OSTM1: variants seen among roughly 807,000 people sequenced by gnomAD.
The protein encoded by OSTM1 is osteoclastogenesis associated transmembrane protein 1.
A neutral mutation model predicts 35.4 loss-of-function variants in OSTM1; 26 were observed. That is an observed-to-expected ratio of 0.73 (90% CI 0.54 to 1.02). The LOEUF is 1.02. OSTM1 is among the 50% of genes least tolerant of loss of function. The pLI, the probability that OSTM1 is intolerant of heterozygous loss-of-function variation, is 0.00. For synonymous variants in OSTM1, 181 were observed against 165.0 expected, an observed-to-expected ratio of 1.10 and a Z score of -0.75; for missense variants, 366 against 409.6, an observed-to-expected ratio of 0.89 and a Z score of 0.92.
chr6:108,046,014 T>C (rs1432400698), intron 5 of OSTM1, among the ~76,000 whole-genome samples: 1 of 151,932 alleles, frequency 6.6e-6, no homozygotes, highest in African/African-American at 2.4e-5. Context: ...TTATTTATTT[T>C]TTTTGAGACG....
At chr6:108,058,808 C>T (rs1772217455) in intron 2 of OSTM1, among the ~76,000 whole-genome samples, 1 of 152,064 alleles carries the variant, frequency 6.6e-6, no homozygotes. Flanking sequence ...GTTAATTGAC[C>T]TTCTGGTTAA....
intron 3 of OSTM1, 96 bp downstream of exon 3, chr6:108,054,394 A>G (rs1772135030): frequency 3.4e-6 from 2 of 585,520 alleles, no homozygotes; most frequent in African/African-American, 1.9e-5. Context: ...ATGAATTTAG[A>G]TAAATATCAA....
intron 5 of OSTM1, among the ~76,000 whole-genome samples, chr6:108,045,083 A>G (rs965225251): frequency 2.0e-5 from 3 of 152,208 alleles, no homozygotes; most frequent in African/African-American, 7.2e-5. Context: ...CATCATTTAT[A>G]TCTTCTTGAA....
intron 3 of OSTM1, among the ~76,000 whole-genome samples, chr6:108,051,555 T>G (rs867009208): frequency 7.2e-5 from 11 of 152,118 alleles, no homozygotes; most frequent in Admixed American, 2.6e-4. Context: ...AATACAAAAT[T>G]TCCTAAATTA....
chr6:108,060,786 T>G (rs1448514295), intron 2 of OSTM1: 1 of 152,152 alleles, frequency 6.6e-6, no homozygotes. Flanking sequence ...GTATATAAAT[T>G]TAGTCACATC....
intron 3 of OSTM1, 143 bp from the exon 4 acceptor site, chr6:108,051,341 A>G (rs1772070279): frequency 3.1e-6 from 2 of 638,940 alleles, no homozygotes; most frequent in Non-Finnish European, 5.4e-6. Flanking sequence ...AGGTTACTAA[A>G]TCACTCTGAG....
At chr6:108,056,596 A>G (rs924888684) in intron 2 of OSTM1, among the ~76,000 whole-genome samples, 3 of 152,212 alleles carry the variant, frequency 2.0e-5, no homozygotes, top group Non-Finnish European at 4.4e-5. Context: ...TGTGCAAATC[A>G]GAAAAAGATA....
At chr6:108,054,730 T>C in intron 2 of OSTM1, 143 bp from the exon 3 acceptor site, 1 of 456,168 alleles carries the variant, frequency 2.2e-6, no homozygotes, top group South Asian at 4.0e-5. Context: ...TATATGAAGC[T>C]TACTCCTTTT....
At chr6:108,045,466 G>GA (rs553965458) in intron 5 of OSTM1, among the ~76,000 whole-genome samples, 12 of 124,448 alleles carry the variant, frequency 9.6e-5, no homozygotes, top group Middle Eastern at 4.8e-3. Context: ...ATTTTCAGAT[G>GA]AAAAAAAAAT....
chr6:108,048,436 A>G (rs1474287293), intron 5 of OSTM1, among the ~76,000 whole-genome samples: 1 of 152,184 alleles, frequency 6.6e-6, no homozygotes, highest in Non-Finnish European at 1.5e-5. Flanking sequence ...GCTCTGGCCT[A>G]TTTCATAGGG....
chr6:108,074,234 G>C lies in OSTM1; in HGVS notation c.402+16C>G. On this transcript the variant is annotated intron_variant, in intron 1 of 5. Coordinates refer to ENST00000193322, the MANE Select transcript of OSTM1 (RefSeq NM_014028.4). ...ACTCTCCTGAGCCACAGTCCCGGAC[G>C]TGGTCCTGTACCCACCCCCGCGGCT... The C allele has an allele frequency of 6.2e-7, 1 of 1,610,898 alleles. No individual in the cohort carries two copies. The highest frequency in any genetic ancestry group is 2.2e-5 in the East Asian group (1 of 44,870).
rs577512551 is a variant in OSTM1, at chr6:108,062,596, G to A, written c.517+1589C>T. ...AGGGTCTCGTTCTGTTGCCCAGAGC[G>A]GGGAGCAGTGGCACAACCATGATTC... is the stretch of plus-strand genomic sequence containing the variant. On this transcript the variant is annotated intron_variant, in intron 2 of 5. Coordinates refer to ENST00000193322, the MANE Select transcript of OSTM1 (RefSeq NM_014028.4). 1.5e-4 allele frequency among the ~76,000 whole-genome samples: 23 copies of A among 149,686 alleles called. No individual in the cohort carries two copies. In the South Asian group the frequency reaches 2.7e-3, roughly 18 times the overall value.
At chr6:108,070,203 AAT>A (rs1430534055) in intron 1 of OSTM1, among the ~76,000 whole-genome samples, 1 of 151,904 alleles carries the variant, frequency 6.6e-6, no homozygotes, top group East Asian at 1.9e-4. Flanking sequence ...ACTCCTGGCT[AAT>A]TTTTTATATT....
At position 108,049,305 on chromosome 6, in the gene OSTM1, G is replaced by C. The variant is rs149994663; in HGVS notation, c.897C>G (p.Phe299Leu). 1.3e-5 allele frequency: 21 copies of C among 1,613,092 alleles called. No homozygotes were observed. Among genetic ancestry groups the C allele is most frequent in the Non-Finnish European group, 1.6e-5 (19 of 1,179,238 alleles). The change falls in exon 5 of 6, where the codon TTC becomes TTG. Residue 299 changes from phenylalanine (F) to leucine (L), a missense_variant. Physicochemically the swap from Phe to Leu is conservative, Grantham distance 22. This residue lies in a region of OSTM1 where 125 missense variants were observed against 151.7 expected (regional missense o/e 0.82). Coordinates refer to ENST00000193322, the MANE Select transcript of OSTM1 (RefSeq NM_014028.4). The part of the protein sequence containing the change: ...SVFILFLPVV[F>L]YLSSFLHSEQ... ...CTGAGTGAAGAAAGCTACTAAGGTAGAAGACAACAGGTAGAAAGAGAATGA... is the reference window on the plus strand; with the variant it reads ...CTGAGTGAAGAAAGCTACTAAGGTACAAGACAACAGGTAGAAAGAGAATGA...
intron 5 of OSTM1, among the ~76,000 whole-genome samples, chr6:108,048,681 T>C (rs1772023034): frequency 6.6e-6 from 1 of 152,060 alleles, no homozygotes; most frequent in Non-Finnish European, 1.5e-5. Flanking sequence ...TCTTCTGTTG[T>C]TGCCAACCTT....
intron 2 of OSTM1, 148 bp downstream of exon 2, chr6:108,064,037 A>G (rs1414358404): frequency 3.2e-6 from 2 of 625,170 alleles, no homozygotes; most frequent in East Asian, 5.5e-5. Context: ...AGTTGCCATT[A>G]ATAAACCATG....
Position 108,041,422 on chromosome 6 carries a change from G to C in OSTM1, c.*3363C>G, listed in dbSNP as rs1771866833. 6.6e-6 allele frequency: 1 copy of C among 152,096 alleles called. No homozygotes were observed. The highest frequency in any genetic ancestry group is 1.5e-5 in the Non-Finnish European group (1 of 68,006). 9.4% of individuals were successfully genotyped at this position (152,096 alleles called of 1,614,324 possible). A position where few individuals can be genotyped will look rare whatever the true frequency, so the allele number is the denominator to read the frequency against. Reference sequence around the variant, plus strand: ...GGATCAGTCAAATTATCTTTTAAAAGCCCTCTTTAATTCCAAGGAGATAAA... The same window carrying C: ...GGATCAGTCAAATTATCTTTTAAAACCCCTCTTTAATTCCAAGGAGATAAA... On this transcript the variant is annotated 3_prime_UTR_variant, in exon 6 of 6. Transcript: ENST00000193322.
intron 3 of OSTM1, among the ~76,000 whole-genome samples, 187 bp downstream of exon 3, chr6:108,054,303 A>C (rs1367969211): frequency 6.6e-6 from 1 of 152,224 alleles, no homozygotes; most frequent in East Asian, 1.9e-4. Context: ...TTTTACAATG[A>C]GAGAACTGAG....
At chr6:108,063,813 T>G (rs1246856892) in intron 2 of OSTM1, among the ~76,000 whole-genome samples, 1 of 152,190 alleles carries the variant, frequency 6.6e-6, no homozygotes, top group Non-Finnish European at 1.5e-5. Context: ...TTTATTTCAT[T>G]TCATTCTCAA....
Sources: allele counts gnomAD v4.1 joint callset (sites outside exome capture counted in the v4.1 genomes callset), GRCh38; gene constraint gnomAD v4.1.1; regional missense constraint gnomAD v4.1.1; transcripts MANE v1.5; gene names NCBI Gene and HGNC (gene_info 2026-07-23, HGNC 2026-07-21).